The following TDRD9 variants were observed in gnomAD, a reference collection of about 807,000 sequenced individuals.
TDRD9 encodes the protein ATP-dependent RNA helicase TDRD9.
In TDRD9, 124 loss-of-function variants were observed where a neutral mutation model predicts 172.6. The observed-to-expected ratio is 0.72, with a 90% CI of 0.62 to 0.83. TDRD9 has a LOEUF of 0.83. Ranked by LOEUF, TDRD9 falls within the 40% of genes least tolerant of loss-of-function variation. The probability of loss-of-function intolerance (pLI) is 0.00; values close to 1 mark genes in which losing one functional copy is unlikely to be tolerated. For synonymous variants in TDRD9, 619 were observed against 617.1 expected, an observed-to-expected ratio of 1.00 and a Z score of -0.05; for missense variants, 1,479 against 1,714.1, an observed-to-expected ratio of 0.86 and a Z score of 2.42.
At chr14:103,975,885 C>A (rs1055475847) in intron 7 of TDRD9, among the ~76,000 whole-genome samples, 3 of 152,238 alleles carry the variant, frequency 2.0e-5, no homozygotes, top group South Asian at 2.1e-4. Context: ...CTGTAGTCAC[C>A]CCACGGTGCT....
chr14:103,975,639 C>G, intron 7 of TDRD9, 86 bp downstream of exon 7: 7 of 1,312,072 alleles, frequency 5.3e-6, no homozygotes, highest in Non-Finnish European at 7.1e-6. Flanking sequence ...ATTGTAAGGC[C>G]CTGCGAGAAA....
At chr14:104,008,164 G>A (rs969840642) in intron 19 of TDRD9, among the ~76,000 whole-genome samples, 1 of 152,154 alleles carries the variant, frequency 6.6e-6, no homozygotes, top group Non-Finnish European at 1.5e-5. Flanking sequence ...ATCAAGTTAT[G>A]TCTACCTTTA....
At chr14:104,022,782 G>A (rs1566789625) in intron 24 of TDRD9, among the ~76,000 whole-genome samples, 1 of 144,782 alleles carries the variant, frequency 6.9e-6, no homozygotes, top group Non-Finnish European at 1.5e-5. Flanking sequence ...TGGCTTTGTG[G>A]TTGAGTGGAG....
chr14:103,975,277 C>A (rs1259494026), intron 6 of TDRD9, 112 bp from the exon 7 acceptor site: 30 of 1,001,510 alleles, frequency 3.0e-5, no homozygotes, highest in Non-Finnish European at 4.3e-5. Context: ...TGTTTAAAGT[C>A]TCAAAAGTTG....
intron 25 of TDRD9, among the ~76,000 whole-genome samples, chr14:104,025,281 C>T (rs950193382): frequency 6.6e-6 from 1 of 152,160 alleles, no homozygotes; most frequent in Non-Finnish European, 1.5e-5. Context: ...TGTGCCCCGC[C>T]GAAATGCTTA....
intron 28 of TDRD9, among the ~76,000 whole-genome samples, chr14:104,029,669 T>G (rs2035223924): frequency 6.6e-6 from 1 of 152,180 alleles, no homozygotes. Context: ...CTTTCTTTCT[T>G]CCTCTTGCCT....
rs1292448965 is a variant in TDRD9 at position 103,980,150 on chromosome 14, C to T, written c.1011+4597C>T. Among the ~76,000 whole-genome samples the T allele has an allele frequency of 2.6e-5, 4 of 151,960 alleles. No homozygotes were observed. The highest frequency in any genetic ancestry group is 7.3e-5 in the African/African-American group (3 of 41,346). ...CACAGGGTCGGTGGGTTTTTCTCCC[C>T]GTGTGCAGAGATGAGAGATTGTAGA... On this transcript the variant is annotated intron_variant, in intron 7 of 35. Transcript: ENST00000409874. The surrounding 1 kb of genome is among the most constrained non-coding windows in gnomAD (Gnocchi z 4.5).
chr14:103,970,696 C>A, intron 6 of TDRD9, 75 bp downstream of exon 6: 1 of 1,204,242 alleles, frequency 8.3e-7, no homozygotes, highest in South Asian at 1.3e-5. Context: ...TCTCTATAGT[C>A]TGTTGGTGTC....
chr14:103,970,989 AT>A (rs879380056), intron 6 of TDRD9, among the ~76,000 whole-genome samples: 85 of 146,462 alleles, frequency 5.8e-4, no homozygotes, highest in Non-Finnish European at 4.5e-4. Flanking sequence ...GGCTGACTGT[AT>A]TTTTTTTTTT....
chr14:103,944,105 A>G lies in TDRD9; in HGVS notation c.216-11559A>G, dbSNP rs560775118. 4.0e-5 allele frequency among the ~76,000 whole-genome samples: 6 copies of G among 149,288 alleles called. No individual in the cohort carries two copies. In the South Asian group the frequency reaches 1.3e-3, roughly 32 times the overall value. On this transcript the variant is annotated intron_variant, in intron 1 of 35. Transcript: ENST00000409874. ...AATTTTTTTCCTCTGAAATGGTAAC[A>G]AAAATATCAGAACATATTGGATATG...
intron 5 of TDRD9, among the ~76,000 whole-genome samples, chr14:103,969,996 C>G (rs1221293196): frequency 6.6e-6 from 1 of 152,188 alleles, no homozygotes; most frequent in Non-Finnish European, 1.5e-5. Context: ...ACTGACCCAG[C>G]TTTTCCAGGA....
At chr14:104,049,808 A>T in intron 35 of TDRD9, 128 bp downstream of exon 35, 1 of 748,136 alleles carries the variant, frequency 1.3e-6, no homozygotes, top group South Asian at 1.8e-5. Context: ...GGCAAAGTGG[A>T]TGGCTTTGGG....
At position 104,005,837 on chromosome 14, in the gene TDRD9, G is replaced by A. The variant is rs115263090; in HGVS notation, c.1713+432G>A. On this transcript the variant is annotated intron_variant, in intron 15 of 35. Coordinates refer to ENST00000409874, the MANE Select transcript of TDRD9 (RefSeq NM_153046.3). ...ATTATGATTGATTGATTGATTAACTGGGTCTTGCTCTGTTGCCTAGGCTGG... is the reference window on the plus strand; with the variant it reads ...ATTATGATTGATTGATTGATTAACTAGGTCTTGCTCTGTTGCCTAGGCTGG... Among the ~76,000 whole-genome samples the A allele has an allele frequency of 3.7e-3, 558 of 152,256 alleles. 3 individuals are homozygous for A. The highest frequency in any genetic ancestry group is 0.013 in the African/African-American group (521 of 41,540).
At chr14:104,033,236 T>C (rs1596013177) in intron 30 of TDRD9, among the ~76,000 whole-genome samples, 1 of 152,226 alleles carries the variant, frequency 6.6e-6, no homozygotes, top group African/African-American at 2.4e-5. Context: ...CCAGGTCCCC[T>C]AGGGCCTTCC....
At chr14:103,967,158 A>G (rs2032784687) in intron 5 of TDRD9, among the ~76,000 whole-genome samples, 1 of 151,968 alleles carries the variant, frequency 6.6e-6, no homozygotes, top group Non-Finnish European at 1.5e-5. Flanking sequence ...ATCAGCAAAT[A>G]AATAGGATTT....
chr14:103,928,772 C>T, intron 1 of TDRD9, 48 bp downstream of exon 1: 4 of 733,682 alleles, frequency 5.5e-6, no homozygotes, highest in Non-Finnish European at 1.8e-6. Flanking sequence ...CCGGGCGAGG[C>T]CTGGCGACGA....
chr14:103,978,220 T>C (rs1483604579), intron 7 of TDRD9, among the ~76,000 whole-genome samples: 2 of 152,146 alleles, frequency 1.3e-5, no homozygotes, highest in African/African-American at 4.8e-5. Context: ...GTCATTGGTA[T>C]TTTGATTGAA....
rs976824084 is a variant in TDRD9 at position 104,006,967 on chromosome 14, T to G, written c.2007+122T>G. On this transcript the variant is annotated intron_variant, in intron 18 of 35. Coordinates refer to ENST00000409874, the MANE Select transcript of TDRD9 (RefSeq NM_153046.3). ...TATCTAGTGAAAGTATTATCAGGGTTATTGGTGTCCAGTGTTAAATTAACC... is the reference window on the plus strand; with the variant it reads ...TATCTAGTGAAAGTATTATCAGGGTGATTGGTGTCCAGTGTTAAATTAACC... 1.8e-5 allele frequency: 18 copies of G among 1,016,926 alleles called. No homozygotes were observed. In the African/African-American group the frequency reaches 2.1e-4, roughly 12 times the overall value. 63.0% of individuals were successfully genotyped at this position (1,016,926 alleles called of 1,614,324 possible).
intron 4 of TDRD9, 63 bp downstream of exon 4, chr14:103,965,617 T>C: frequency 1.4e-6 from 2 of 1,429,714 alleles, no homozygotes; most frequent in Non-Finnish European, 1.9e-6. Context: ...TTAATTTTAT[T>C]AAGTTTTTTT....
Sources: allele counts gnomAD v4.1 joint callset (sites outside exome capture counted in the v4.1 genomes callset), GRCh38; gene constraint gnomAD v4.1.1; non-coding constraint Gnocchi (gnomAD v3.1); transcripts MANE v1.5; gene names NCBI Gene and HGNC (gene_info 2026-07-23, HGNC 2026-07-21).